Variants in IQCH observed in about 807,000 individuals in gnomAD.
IQCH encodes IQ domain-containing protein H.
Under a neutral mutation model 117.0 loss-of-function variants are expected in IQCH, and 98 were observed. That is an observed-to-expected ratio of 0.84 (90% CI 0.71 to 0.99). IQCH has a LOEUF of 0.99. Among genes scored for constraint, IQCH ranks in the 50% least tolerant of loss-of-function variants. IQCH has a pLI of 0.00. For synonymous variants in IQCH, 412 were observed against 448.2 expected (o/e 0.92, Z 1.02); for missense variants, 1,102 against 1,243.8 (o/e 0.89, Z 1.72).
In IQCH at chr15:67,491,039, C is replaced by T. The variant is rs887439954; in HGVS notation, c.2861+975C>T. Among the ~76,000 whole-genome samples, 6 of 152,180 alleles carry T rather than the reference C, an allele frequency of 3.9e-5. No homozygotes were observed. Among genetic ancestry groups the T allele is most frequent in the Admixed American group, 1.3e-4 (2 of 15,272 alleles). On this transcript the variant is annotated intron_variant, in intron 19 of 20. Transcript: ENST00000335894. The surrounding 1 kb of genome is among the most constrained non-coding windows in gnomAD (Gnocchi z 4.9). ...GGGAAACTGTCTCTGCCCTCTATTTCTCTTCCTTGTAACCTCTACAGCAGT... is the reference window on the plus strand; with the variant it reads ...GGGAAACTGTCTCTGCCCTCTATTTTTCTTCCTTGTAACCTCTACAGCAGT...
At position 67,445,792 on chromosome 15, in the gene IQCH, A is replaced by C. The variant is rs1298447776; in HGVS notation, c.2506-19335A>C. Among the ~76,000 whole-genome samples the C allele has an allele frequency of 1.3e-5, 2 of 152,200 alleles. No homozygotes were observed. Among genetic ancestry groups the C allele is most frequent in the African/African-American group, 4.8e-5 (2 of 41,466 alleles). On this transcript the variant is annotated intron_variant, in intron 16 of 20. Coordinates refer to ENST00000335894, the MANE Select transcript of IQCH (RefSeq NM_001031715.3). The surrounding 1 kb of genome is among the most constrained non-coding windows in gnomAD (Gnocchi z 4.3). ...AATGTCTTAATATGTAAATGCTATT[A>C]AACCAACCCACTGGAGCTTGATCAG...
rs554966040 is a variant in IQCH at position 67,418,664 on chromosome 15, C to T, written c.2218+1613C>T. On this transcript the variant is annotated intron_variant, in intron 15 of 20. Transcript: ENST00000335894. Reference sequence around the variant, plus strand: ...TGCGATCTCGGCTCACTGCAACCTCCGCCTCCTAGGTTCAAGTGATTCTCC... The same window carrying T: ...TGCGATCTCGGCTCACTGCAACCTCTGCCTCCTAGGTTCAAGTGATTCTCC... Among the ~76,000 whole-genome samples, 25 of 151,130 alleles carry T rather than the reference C, an allele frequency of 1.7e-4. No individual in the cohort carries two copies. In the South Asian group the frequency reaches 4.0e-3, roughly 24 times the overall value.
rs2140711327 is a variant in IQCH, at chr15:67,350,522, G to C, written c.637+6331G>C. Among the ~76,000 whole-genome samples, 3 of 152,226 alleles carry C rather than the reference G, an allele frequency of 2.0e-5. No individual in the cohort carries two copies. The South Asian group carries it at 6.2e-4, about 32-fold the overall frequency. ...GTTCACTACAACCTCCGCCTCCCAGGTTCAAGCAATTCTCCTGCCTCAGCC... is the reference window on the plus strand; with the variant it reads ...GTTCACTACAACCTCCGCCTCCCAGCTTCAAGCAATTCTCCTGCCTCAGCC... On this transcript the variant is annotated intron_variant, in intron 6 of 20. Transcript: ENST00000335894.
In IQCH at chr15:67,430,766, T is replaced by C. The variant is rs1468601978; in HGVS notation, c.2505+9189T>C. On this transcript the variant is annotated intron_variant, in intron 16 of 20. Coordinates refer to ENST00000335894, the MANE Select transcript of IQCH (RefSeq NM_001031715.3). This position sits in a 1 kb window ranked among gnomAD's most constrained non-coding sequence, Gnocchi z 5.1. ...AGCATCTATTATGTATAAGCCATAA[T>C]GCTAGGTGCTAGAGAAGCTACAAAG... Among the ~76,000 whole-genome samples, 1 of 152,230 alleles carries C rather than the reference T, an allele frequency of 6.6e-6. No homozygotes were observed. Among genetic ancestry groups the C allele is most frequent in the African/African-American group, 2.4e-5 (1 of 41,454 alleles).
intron 4 of IQCH, among the ~76,000 whole-genome samples, chr15:67,312,152 G>A (rs4776918): frequency 0.68 from 102,666 of 151,958 alleles, 35,291 homozygotes; most frequent in Middle Eastern, 0.84. Flanking sequence ...ATTTAGGTAG[G>A]CACAGAGACC....
At position 67,286,576 on chromosome 15, in the gene IQCH, T is replaced by C. The variant is rs550604296; in HGVS notation, c.387+7064T>C. 2.0e-3 allele frequency among the ~76,000 whole-genome samples: 279 copies of C among 141,814 alleles called. 1 individual carries two copies. The highest frequency in any genetic ancestry group is 7.1e-3 in the African/African-American group (271 of 38,200). The allele number at this position is 141,814 out of a possible 152,430, so 93.0% of individuals were successfully genotyped here. A position where few individuals can be genotyped will look rare whatever the true frequency, so the allele number is the denominator to read the frequency against. ...TGATACTAGCTGTGGGTCTGTCATA[T>C]ATGGCTTTTATTTATTTATTTATTT... On this transcript the variant is annotated intron_variant, in intron 4 of 20. Coordinates refer to ENST00000335894, the MANE Select transcript of IQCH (RefSeq NM_001031715.3).
At chr15:67,349,157 T>C (rs140210105) in intron 6 of IQCH, among the ~76,000 whole-genome samples, 1 of 152,228 alleles carries the variant, frequency 6.6e-6, no homozygotes, top group African/African-American at 2.4e-5. Context: ...TATAAAACTT[T>C]TGGAAGAAAA....
In IQCH at chr15:67,400,205, C is replaced by T. The variant is rs1047720643; in HGVS notation, c.1997C>T (p.Thr666Ile). 15 of 1,613,230 alleles carry T rather than the reference C, an allele frequency of 9.3e-6. No individual in the cohort carries two copies. The highest frequency in any genetic ancestry group is 5.0e-5 in the Admixed American group (3 of 59,964). ...KMDSEFRGNGTAFCDIPSYLK... is the reference protein window; with the variant it reads ...KMDSEFRGNGIAFCDIPSYLK... ...GACTCTGAGTTCCGAGGAAATGGGACTGCATTTTGTGATATTCCTTCCTAC... is the reference window on the plus strand; with the variant it reads ...GACTCTGAGTTCCGAGGAAATGGGATTGCATTTTGTGATATTCCTTCCTAC... Residue 666 changes from threonine (T) to isoleucine (I), a missense_variant, in exon 14 of 21, where the codon ACT becomes ATT. Around this residue, in one of 2 missense-constraint regions of IQCH, gnomAD observed 650 missense variants for 794.3 expected, o/e 0.82. Coordinates refer to ENST00000335894, the MANE Select transcript of IQCH (RefSeq NM_001031715.3).
intron 17 of IQCH, among the ~76,000 whole-genome samples, chr15:67,471,304 T>C (rs1309212908): frequency 1.3e-5 from 2 of 152,186 alleles, no homozygotes; most frequent in Non-Finnish European, 2.9e-5. Context: ...CATTATTTCT[T>C]TTTTGATCCT....
chr15:67,347,787 C>G (rs1012514823), intron 6 of IQCH, among the ~76,000 whole-genome samples: 1 of 146,734 alleles, frequency 6.8e-6, no homozygotes, highest in African/African-American at 2.5e-5. Context: ...CAAATTGAAT[C>G]TAGTGCTCTG....
intron 4 of IQCH, among the ~76,000 whole-genome samples, chr15:67,284,152 T>C (rs942489551): frequency 1.3e-5 from 2 of 152,114 alleles, no homozygotes; most frequent in Non-Finnish European, 2.9e-5. Context: ...ATTCTTTCTA[T>C]TTTTTGTACC....
intron 6 of IQCH, among the ~76,000 whole-genome samples, chr15:67,348,667 A>G (rs997881171): frequency 3.3e-5 from 5 of 152,218 alleles, no homozygotes; most frequent in African/African-American, 9.6e-5. Context: ...TTAGAAGACT[A>G]AATATTTTTG....
In IQCH at chr15:67,459,331, A is replaced by T. The variant is rs533928651; in HGVS notation, c.2506-5796A>T. ...CTATAAATTAGTCTCTGAGTCCCAT[A>T]CGTGCCCTGATGCCCATAGGAGAAG... On this transcript the variant is annotated intron_variant, in intron 16 of 20. Coordinates refer to ENST00000335894, the MANE Select transcript of IQCH (RefSeq NM_001031715.3). The surrounding 1 kb of genome is among the most constrained non-coding windows in gnomAD (Gnocchi z 4.2). Among the ~76,000 whole-genome samples the T allele has an allele frequency of 1.4e-4, 21 of 152,330 alleles. No homozygotes were observed. The highest frequency in any genetic ancestry group is 5.1e-4 in the African/African-American group (21 of 41,576).
intron 1 of IQCH, 103 bp from the exon 2 acceptor site, chr15:67,261,169 G>T (rs1471460682): frequency 1.4e-6 from 1 of 716,410 alleles, no homozygotes; most frequent in Non-Finnish European, 2.1e-6. Flanking sequence ...TCAGCTTTGT[G>T]TCTCTACCAA....
Position 67,340,441 on chromosome 15 carries a change from A to C in IQCH, c.508+3346A>C, listed in dbSNP as rs891751590. Among the ~76,000 whole-genome samples, 39 of 132,316 alleles carry C rather than the reference A, an allele frequency of 2.9e-4. 1 individual carries two copies. The East Asian group carries it at 3.6e-3, about 12-fold the overall frequency. The allele number at this position is 132,316 out of a possible 152,430, so 86.8% of individuals were successfully genotyped here. ...TACTCCATCTCAAAAAAAAAAAAAA[A>C]AAAAAAAAAAAAAAAAAAAAAAACA... On this transcript the variant is annotated intron_variant, in intron 5 of 20. Coordinates refer to ENST00000335894, the MANE Select transcript of IQCH (RefSeq NM_001031715.3).
intron 16 of IQCH, among the ~76,000 whole-genome samples, chr15:67,441,332 A>G (rs1596382442): frequency 6.6e-6 from 1 of 152,230 alleles, no homozygotes; most frequent in East Asian, 1.9e-4. Flanking sequence ...TACAAATTCA[A>G]TGCAATCCCC....
At chr15:67,449,269 T>C (rs1053192529) in intron 16 of IQCH, among the ~76,000 whole-genome samples, 1 of 152,230 alleles carries the variant, frequency 6.6e-6, no homozygotes, top group African/African-American at 2.4e-5. Context: ...TTGCCATTGC[T>C]TTTGGGGTTT....
intron 13 of IQCH, among the ~76,000 whole-genome samples, chr15:67,398,577 C>T (rs1365181870): frequency 6.6e-6 from 1 of 152,122 alleles, no homozygotes; most frequent in Non-Finnish European, 1.5e-5. Flanking sequence ...CTGTCTCTTC[C>T]ACACTGCCAT....
chr15:67,282,074 G>A, intron 4 of IQCH: 2 of 164,550 alleles, frequency 1.2e-5, no homozygotes, highest in Non-Finnish European at 2.7e-5. Flanking sequence ...ATTCTAGTGG[G>A]GAAAGACAGA....
Sources: gnomAD v4.1 joint callset for allele counts (sites outside exome capture counted in the v4.1 genomes callset) on GRCh38, gnomAD v4.1.1 for gene constraint, gnomAD v4.1.1 regional missense constraint, Gnocchi (gnomAD v3.1) non-coding constraint, MANE v1.5 for transcripts, NCBI Gene and HGNC (gene_info 2026-07-23, HGNC 2026-07-21) for gene names.